The following ANO4 variants were observed in gnomAD, a reference collection of about 807,000 sequenced individuals.
ANO4 encodes the protein anoctamin 4.
Under a neutral mutation model 141.9 loss-of-function variants are expected in ANO4, and 69 were observed. The observed-to-expected ratio is 0.49, with a 90% CI of 0.40 to 0.59. ANO4 has a LOEUF of 0.59. Ranked by LOEUF, ANO4 falls within the 20% of genes least tolerant of loss-of-function variation. ANO4 has a pLI of 0.00. For synonymous variants in ANO4, 350 were observed against 394.3 expected, an observed-to-expected ratio of 0.89 and a Z score of 1.33; for missense variants, 894 against 1,162.2, an observed-to-expected ratio of 0.77 and a Z score of 3.36.
intron 1 of ANO4, chr12:100,717,628 C>T (rs778768520): frequency 5.0e-6 from 2 of 398,502 alleles, no homozygotes; most frequent in Non-Finnish European, 4.4e-6. Flanking sequence ...CCCGGGGAAA[C>T]TTCGGGGTTC....
chr12:100,732,727 A>AT (rs1229932274), intron 1 of ANO4, among the ~76,000 whole-genome samples: 1 of 152,106 alleles, frequency 6.6e-6, no homozygotes, highest in Admixed American at 6.5e-5. Context: ...CCTGATCTAG[A>AT]TTTGAGCTCT....
At chr12:100,858,572 T>G (rs1335171948) in intron 1 of ANO4, among the ~76,000 whole-genome samples, 1 of 152,298 alleles carries the variant, frequency 6.6e-6, no homozygotes, top group East Asian at 1.9e-4. Flanking sequence ...CCTTCTTGAT[T>G]TCTTTTGCTT....
intron 13 of ANO4, among the ~76,000 whole-genome samples, chr12:101,046,834 G>A (rs1162818221): frequency 1.3e-5 from 2 of 152,210 alleles, no homozygotes; most frequent in African/African-American, 2.4e-5. Context: ...ACCAGCAGGA[G>A]TTACCTGGAG....
chr12:100,781,944 C>T (rs1422552242), intron 3 of ANO4, among the ~76,000 whole-genome samples: 1 of 152,202 alleles, frequency 6.6e-6, no homozygotes, highest in Non-Finnish European at 1.5e-5. Flanking sequence ...TTGTGTGCAG[C>T]TTGATCAGAG....
At chr12:100,801,525 A>G (rs1441424689) in intron 1 of ANO4, among the ~76,000 whole-genome samples, 1 of 151,636 alleles carries the variant, frequency 6.6e-6, no homozygotes, top group Non-Finnish European at 1.5e-5. Context: ...TAAAAGCACA[A>G]TTCCTATCCT....
In ANO4 at chr12:100,999,540, A is replaced by G. The variant is rs58593764; in HGVS notation, c.734+11870A>G. Among the ~76,000 whole-genome samples the G allele has an allele frequency of 1.7e-3, 262 of 152,230 alleles. 4 individuals carry two copies. The East Asian group carries it at 0.025, about 14-fold the overall frequency. ...TGCATCATTAATTCCTCTTTGCCATATTGCTTAACATTCTGAGGATGAGGA... is the reference window on the plus strand; with the variant it reads ...TGCATCATTAATTCCTCTTTGCCATGTTGCTTAACATTCTGAGGATGAGGA... On this transcript the variant is annotated intron_variant, in intron 8 of 27. Coordinates refer to ENST00000392977, the MANE Select transcript of ANO4 (RefSeq NM_001286615.2).
At chr12:100,899,299 A>G (rs1565985616) in intron 1 of ANO4, among the ~76,000 whole-genome samples, 1 of 152,208 alleles carries the variant, frequency 6.6e-6, no homozygotes, top group Non-Finnish European at 1.5e-5. Flanking sequence ...AGATGTGTGA[A>G]AGCCCAGGAT....
At chr12:100,758,823 C>T (rs2135519352) in intron 3 of ANO4, among the ~76,000 whole-genome samples, 1 of 152,268 alleles carries the variant, frequency 6.6e-6, no homozygotes, top group African/African-American at 2.4e-5. Context: ...CCTGTTCCAG[C>T]TTCTGGTGAC....
intron 5 of ANO4, among the ~76,000 whole-genome samples, chr12:100,950,101 A>G (rs2042908436): frequency 6.6e-6 from 1 of 152,194 alleles, no homozygotes; most frequent in African/African-American, 2.4e-5. Flanking sequence ...CTCCGAGGAT[A>G]CAAGAACGAC....
intron 3 of ANO4, among the ~76,000 whole-genome samples, chr12:100,760,304 T>A (rs2032796368): frequency 6.6e-6 from 1 of 152,208 alleles, no homozygotes; most frequent in Non-Finnish European, 1.5e-5. Context: ...CCCTCTCTGT[T>A]TGGAGTCATT....
intron 1 of ANO4, among the ~76,000 whole-genome samples, chr12:100,842,712 T>C (rs886762752): frequency 3.3e-5 from 5 of 152,084 alleles, no homozygotes; most frequent in Admixed American, 2.0e-4. Context: ...GCTTCCAAAA[T>C]GGTGCCTTGT....
intron 8 of ANO4, among the ~76,000 whole-genome samples, chr12:101,003,093 G>A (rs2045719901): frequency 6.6e-6 from 1 of 152,200 alleles, no homozygotes; most frequent in South Asian, 2.1e-4. Flanking sequence ...ATCTTCTTCA[G>A]GCGAAGCCAT....
chr12:100,998,267 C>T (rs2045477580), intron 8 of ANO4, among the ~76,000 whole-genome samples: 1 of 152,216 alleles, frequency 6.6e-6, no homozygotes, highest in Non-Finnish European at 1.5e-5. Context: ...GAACGTGAGA[C>T]TCCAAGTTCT....
At chr12:100,897,357 A>G (rs2040398873) in intron 1 of ANO4, among the ~76,000 whole-genome samples, 1 of 152,194 alleles carries the variant, frequency 6.6e-6, no homozygotes. Context: ...GTGAGGATAC[A>G]ATAAAACAGG....
At chr12:100,812,959 T>C (rs1431258688) in intron 1 of ANO4, among the ~76,000 whole-genome samples, 1 of 152,214 alleles carries the variant, frequency 6.6e-6, no homozygotes, top group African/African-American at 2.4e-5. Context: ...GTGGACTACT[T>C]GTCTTTAAGC....
At chr12:100,878,361 G>A (rs114416183) in intron 1 of ANO4, among the ~76,000 whole-genome samples, 1 of 152,104 alleles carries the variant, frequency 6.6e-6, no homozygotes, top group African/African-American at 2.4e-5. Context: ...TCCAACACAG[G>A]GTGGGCACTT....
intron 8 of ANO4, among the ~76,000 whole-genome samples, chr12:101,010,315 A>G (rs140380328): frequency 9.5e-4 from 145 of 152,304 alleles, no homozygotes; most frequent in African/African-American, 3.3e-3. Context: ...TTTGTATTTA[A>G]CACTTAGATA....
chr12:100,879,679 A>T (rs1435650993), intron 1 of ANO4, among the ~76,000 whole-genome samples: 3 of 152,218 alleles, frequency 2.0e-5, no homozygotes, highest in Admixed American at 1.3e-4. Context: ...AGGCAAAATG[A>T]TAGGGACATG....
intron 1 of ANO4, among the ~76,000 whole-genome samples, chr12:100,801,121 C>A (rs1451118245): frequency 1.3e-5 from 2 of 151,462 alleles, no homozygotes; most frequent in South Asian, 2.1e-4. Flanking sequence ...CTCTCTCTCT[C>A]TCTCAAACAG....
Sources: allele counts gnomAD v4.1 joint callset (sites outside exome capture counted in the v4.1 genomes callset), GRCh38; gene constraint gnomAD v4.1.1; transcripts MANE v1.5; gene names NCBI Gene and HGNC (gene_info 2026-07-23, HGNC 2026-07-21).